The following DOCK9 variants were observed in gnomAD, a reference collection of about 807,000 sequenced individuals.
DOCK9 encodes dedicator of cytokinesis 9, also known as dedicator of cytokinesis protein 9.
DOCK9 carries 89 observed loss-of-function variants against 263.3 expected under a neutral mutation model. The ratio of observed to expected loss-of-function variants is 0.34; its 90% CI spans 0.28 to 0.40. DOCK9 has a LOEUF of 0.40. Among genes scored for constraint, DOCK9 ranks in the 10% least tolerant of loss-of-function variants. The probability of loss-of-function intolerance (pLI) is 1.00; values close to 1 mark genes in which losing one functional copy is unlikely to be tolerated. For synonymous variants in DOCK9, 976 were observed against 973.1 expected (o/e 1.00, Z -0.06); for missense variants, 2,140 against 2,603.4 (o/e 0.82, Z 3.87).
chr13:99,062,043 T>C (rs1566373760), intron 1 of DOCK9, among the ~76,000 whole-genome samples: 1 of 151,984 alleles, frequency 6.6e-6, no homozygotes, highest in Non-Finnish European at 1.5e-5. Flanking sequence ...GGCTAATTTT[T>C]TTATGTTTTG....
chr13:98,840,037 C>T (rs1431661800), intron 38 of DOCK9, among the ~76,000 whole-genome samples: 1 of 152,002 alleles, frequency 6.6e-6, no homozygotes, highest in Non-Finnish European at 1.5e-5. Flanking sequence ...TTTTAAATCC[C>T]TAAAAATAAT....
At chr13:98,946,568 A>G (rs959008548) in intron 2 of DOCK9, among the ~76,000 whole-genome samples, 3 of 152,010 alleles carry the variant, frequency 2.0e-5, no homozygotes, top group African/African-American at 7.3e-5. Context: ...AAGACCCTCA[A>G]TTCCCTCCCC....
At chr13:98,817,033 AATAAGGTATTAT>A (rs2140432595) in intron 45 of DOCK9, among the ~76,000 whole-genome samples, 1 of 152,350 alleles carries the variant, frequency 6.6e-6, no homozygotes, top group African/African-American at 2.4e-5. Context: ...CATAACAGAC[AATAAGGTATTAT>A]ATAAGGAAGA....
intron 1 of DOCK9, among the ~76,000 whole-genome samples, chr13:99,029,861 G>T (rs1369824330): frequency 1.3e-5 from 2 of 152,144 alleles, no homozygotes; most frequent in African/African-American, 2.4e-5. Context: ...ATTCATGACA[G>T]CCAAAAACTG....
At chr13:98,915,296 T>A in intron 8 of DOCK9, 33 bp downstream of exon 8, 1 of 1,603,358 alleles carries the variant, frequency 6.2e-7, no homozygotes. Context: ...CCACAGAGTG[T>A]GTATGTGCCT....
chr13:98,883,751 G>A, intron 22 of DOCK9, 62 bp downstream of exon 22: 2 of 1,127,022 alleles, frequency 1.8e-6, no homozygotes, highest in Non-Finnish European at 1.3e-6. Context: ...TTTTCTTCTT[G>A]CAAAATGGTG....
chr13:98,855,908 G>A lies in DOCK9; in HGVS notation c.3821C>T (p.Ser1274Phe). The A allele has an allele frequency of 1.9e-6, 3 of 1,613,896 alleles. No individual in the cohort carries two copies. In the Admixed American group the frequency reaches 5.0e-5, roughly 27 times the overall value. ...GTGAAAAGCAATTACCTTATCCAGGGAATTGCTCTTCTCACTATTCCTTTC... is the reference window on the plus strand; with the variant it reads ...GTGAAAAGCAATTACCTTATCCAGGAAATTGCTCTTCTCACTATTCCTTTC... ...LPERNSEKSN[S>F]LDKHQQSSTL... Residue 1274 changes from serine (S) to phenylalanine (F), a missense_variant, in exon 34 of 53, where the codon TCC becomes TTC. By Grantham distance (155) the Ser-to-Phe change is radical (BLOSUM62 -2). Around this residue, in one of 2 missense-constraint regions of DOCK9, gnomAD observed 1,521 missense variants for 1,741.7 expected, o/e 0.87. Coordinates refer to ENST00000682017, the MANE Select transcript of DOCK9 (RefSeq NM_001366683.2).
rs528608246 is a variant in DOCK9 at position 98,829,823 on chromosome 13, G to A, written c.4636-67C>T. On this transcript the variant is annotated intron_variant, in intron 41 of 52. Coordinates refer to ENST00000682017, the MANE Select transcript of DOCK9 (RefSeq NM_001366683.2). This position sits in a 1 kb window ranked among gnomAD's most constrained non-coding sequence, Gnocchi z 4.1. ...ATGACTGCCCAGGCTGGGCTTCTGC[G>A]TTCAGTTAGGATGTGCCTAAGGACC... The A allele has an allele frequency of 7.2e-5, 101 of 1,399,438 alleles. No homozygotes were observed. The East Asian group carries it at 1.6e-3, about 23-fold the overall frequency. 86.7% of individuals were successfully genotyped at this position (1,399,438 alleles called of 1,614,324 possible).
At chr13:99,032,290 G>A (rs1027157093) in intron 1 of DOCK9, among the ~76,000 whole-genome samples, 1 of 152,072 alleles carries the variant, frequency 6.6e-6, no homozygotes, top group Non-Finnish European at 1.5e-5. Context: ...GGGCAACATA[G>A]TGAAACCCTG....
intron 38 of DOCK9, among the ~76,000 whole-genome samples, chr13:98,841,616 ATTTTTTTTT>A (rs763770697): frequency 1.5e-5 from 2 of 137,364 alleles, no homozygotes; most frequent in East Asian, 2.1e-4. Flanking sequence ...TATGAACAAA[ATTTTTTTTT>A]TTTTTTTTTT....
chr13:98,807,255 T>G (rs905244739), intron 48 of DOCK9, among the ~76,000 whole-genome samples: 1 of 152,202 alleles, frequency 6.6e-6, no homozygotes, highest in African/African-American at 2.4e-5. Context: ...CCTGTCCATG[T>G]GTCCATTCAC....
intron 30 of DOCK9, among the ~76,000 whole-genome samples, chr13:98,864,756 A>G (rs1420016886): frequency 6.6e-6 from 1 of 152,090 alleles, no homozygotes; most frequent in Non-Finnish European, 1.5e-5. Flanking sequence ...TGTGATCCCC[A>G]GTGTTGGAGG....
rs180709699 is a variant in DOCK9 at position 98,809,415 on chromosome 13, G to A, written c.5304C>T (p.Thr1768=). 1.5e-4 allele frequency: 241 copies of A among 1,613,422 alleles called. 1 individual carries two copies. In the East Asian group the frequency reaches 4.9e-3, roughly 33 times the overall value. The change falls in exon 47 of 53, where the codon ACC becomes ACT. Residue 1768 remains threonine, a synonymous_variant. Transcript: ENST00000682017. ...DTLHRAYSKV[T]EVMHSGRRLL... ...GCCTGCGGCCCGAGTGCATGACCTC[G>A]GTCACTTTGCTGTAGGCCCGGTGCA...
intron 1 of DOCK9, among the ~76,000 whole-genome samples, chr13:99,025,788 C>A (rs909780184): frequency 6.6e-6 from 1 of 152,140 alleles, no homozygotes; most frequent in African/African-American, 2.4e-5. Context: ...AAATTGGAAA[C>A]AACACAAATG....
At chr13:99,084,400 A>T (rs1291750381) in intron 1 of DOCK9, among the ~76,000 whole-genome samples, 8 of 152,222 alleles carry the variant, frequency 5.3e-5, no homozygotes, top group Non-Finnish European at 1.2e-4. Flanking sequence ...CACAGGTTTC[A>T]TCAGACAAGT....
intron 1 of DOCK9, among the ~76,000 whole-genome samples, chr13:99,027,835 G>A (rs953056426): frequency 6.6e-6 from 1 of 152,142 alleles, no homozygotes; most frequent in Non-Finnish European, 1.5e-5. Context: ...CCAGTTCTGA[G>A]CCATCTCTCA....
chr13:98,885,216 T>C (rs2045495125), intron 20 of DOCK9, 124 bp from the exon 21 acceptor site: 9 of 1,322,652 alleles, frequency 6.8e-6, no homozygotes, highest in Non-Finnish European at 8.2e-6. Flanking sequence ...AGTAAGAAAT[T>C]TAAAATGCCC....
At chr13:98,874,172 C>T (rs936411231) in intron 27 of DOCK9, among the ~76,000 whole-genome samples, 10 of 152,186 alleles carry the variant, frequency 6.6e-5, no homozygotes, top group African/African-American at 1.7e-4. Flanking sequence ...TGGGCAACCA[C>T]GGGGCTGCTC....
chr13:98,976,752 G>T (rs1207323635), intron 1 of DOCK9, among the ~76,000 whole-genome samples: 1 of 152,198 alleles, frequency 6.6e-6, no homozygotes, highest in Non-Finnish European at 1.5e-5. Flanking sequence ...TCAGTTCAGG[G>T]TTAGCAATAT....
Sources: allele counts gnomAD v4.1 joint callset (sites outside exome capture counted in the v4.1 genomes callset), GRCh38; gene constraint gnomAD v4.1.1; regional missense constraint gnomAD v4.1.1; non-coding constraint Gnocchi (gnomAD v3.1); transcripts MANE v1.5; gene names NCBI Gene and HGNC (gene_info 2026-07-23, HGNC 2026-07-21).